The following GRIP1 variants were observed in gnomAD, a reference collection of about 807,000 sequenced individuals.
GRIP1 encodes the protein glutamate receptor-interacting protein 1.
A neutral mutation model predicts 129.9 loss-of-function variants in GRIP1; 45 were observed. The ratio of observed to expected loss-of-function variants is 0.35; its 90% confidence interval spans 0.27 to 0.44. The LOEUF (loss-of-function observed/expected upper bound fraction) is 0.44. GRIP1 is among the 20% of genes least tolerant of loss of function. The pLI is 1.00. For synonymous variants in GRIP1, 530 were observed against 520.8 expected (o/e 1.02, Z -0.24); for missense variants, 1,196 against 1,396.8 (o/e 0.86, Z 2.29).
intron 1 of GRIP1, among the ~76,000 whole-genome samples, chr12:67,007,186 C>T (rs2042639097): frequency 1.3e-5 from 2 of 152,086 alleles, no homozygotes; most frequent in Admixed American, 6.6e-5. Context: ...TTAAATAACT[C>T]ATTACATCAT....
intron 1 of GRIP1, among the ~76,000 whole-genome samples, chr12:66,810,716 G>A (rs573037059): frequency 2.0e-4 from 31 of 152,228 alleles, no homozygotes; most frequent in African/African-American, 5.3e-4. Context: ...CCCCAGCATT[G>A]TGATAACCCA....
chr12:66,896,193 A>T (rs1211446900), intron 1 of GRIP1, among the ~76,000 whole-genome samples: 1 of 152,160 alleles, frequency 6.6e-6, no homozygotes, highest in African/African-American at 2.4e-5. Context: ...CTGTGATGGG[A>T]TGACTGGAGG....
At chr12:66,651,016 G>C (rs2032756412) in intron 1 of GRIP1, among the ~76,000 whole-genome samples, 1 of 152,182 alleles carries the variant, frequency 6.6e-6, no homozygotes, top group Non-Finnish European at 1.5e-5. Context: ...AAATATTTAA[G>C]ACAATATGTA....
chr12:66,502,735 T>C lies in GRIP1; in HGVS notation c.724+12884A>G, dbSNP rs560322037. On this transcript the variant is annotated intron_variant, in intron 7 of 24. Coordinates refer to ENST00000359742, the MANE Select transcript of GRIP1 (RefSeq NM_001366722.1). ...CATGAGTAAAAGCTCACTGAGGCCT[T>C]CCAAGATGCCAAGTATATGCTGACA... is the stretch of plus-strand genomic sequence containing the variant. Among the ~76,000 whole-genome samples, 3 of 152,286 alleles carry C rather than the reference T, an allele frequency of 2.0e-5. No individual in the cohort carries two copies. The South Asian group carries it at 6.2e-4, about 32-fold the overall frequency.
At chr12:66,782,106 T>G (rs1381628099) in intron 1 of GRIP1, among the ~76,000 whole-genome samples, 1 of 152,208 alleles carries the variant, frequency 6.6e-6, no homozygotes, top group Non-Finnish European at 1.5e-5. Flanking sequence ...AATGTTCTAC[T>G]TCTTGATCTG....
chr12:66,851,434 T>C lies in GRIP1; in HGVS notation c.58+217616A>G, dbSNP rs568115027. Among the ~76,000 whole-genome samples, 3 of 152,256 alleles carry C rather than the reference T, an allele frequency of 2.0e-5. No individual in the cohort carries two copies. The East Asian group carries it at 5.8e-4, about 29-fold the overall frequency. The stretch of plus-strand genomic sequence containing the variant: ...AGCCCAAAGCCAAAATATAGAGTTT[T>C]ATTACAATTACATTTGAAATTTATA... On this transcript the variant is annotated intron_variant, in intron 1 of 1. Coordinates refer to the GRIP1 transcript ENST00000643019.
chr12:66,372,609 T>G (rs1203233958), intron 22 of GRIP1, among the ~76,000 whole-genome samples: 1 of 152,220 alleles, frequency 6.6e-6, no homozygotes, highest in Non-Finnish European at 1.5e-5. Context: ...TGTTATTATA[T>G]TCAACTTTTT....
At chr12:66,633,963 T>C (rs1317968499) in intron 1 of GRIP1, among the ~76,000 whole-genome samples, 1 of 152,244 alleles carries the variant, frequency 6.6e-6, no homozygotes, top group Non-Finnish European at 1.5e-5. Context: ...GAGAGGCATA[T>C]GATTCATATC....
chr12:66,758,583 A>T (rs978630955), intron 1 of GRIP1, among the ~76,000 whole-genome samples: 1 of 152,178 alleles, frequency 6.6e-6, no homozygotes, highest in Non-Finnish European at 1.5e-5. Context: ...AAAAGTCCAT[A>T]GTCCAAAATC....
At chr12:67,006,271 AC>A (rs959741357) in intron 1 of GRIP1, among the ~76,000 whole-genome samples, 1 of 152,186 alleles carries the variant, frequency 6.6e-6, no homozygotes, top group Non-Finnish European at 1.5e-5. Context: ...CCAACATTAA[AC>A]AAAAAAGCCA....
At chr12:67,067,544 C>T (rs1041970520) in intron 1 of GRIP1, among the ~76,000 whole-genome samples, 3 of 152,054 alleles carry the variant, frequency 2.0e-5, no homozygotes, top group Admixed American at 1.3e-4. Flanking sequence ...AGCAGGGGTG[C>T]CTTTTGAATG....
At chr12:66,790,818 A>G (rs2038508190) in intron 1 of GRIP1, among the ~76,000 whole-genome samples, 1 of 152,064 alleles carries the variant, frequency 6.6e-6, no homozygotes, top group South Asian at 2.1e-4. Context: ...AAATTACAAA[A>G]CGAGGGAGGC....
At chr12:66,989,576 T>C (rs937893070) in intron 1 of GRIP1, among the ~76,000 whole-genome samples, 3 of 152,202 alleles carry the variant, frequency 2.0e-5, no homozygotes, top group Admixed American at 6.5e-5. Flanking sequence ...TCCATCCGAA[T>C]AGGTTATTAA....
chr12:66,526,276 C>G (rs1188891081), intron 5 of GRIP1, among the ~76,000 whole-genome samples: 1 of 151,924 alleles, frequency 6.6e-6, no homozygotes. Context: ...TGACTTCAAA[C>G]TATACTACAA....
rs1478459022 is a variant in GRIP1, at chr12:66,743,419, T to C, written c.-420+60634A>G. On this transcript the variant is annotated intron_variant, in intron 1 of 4. Coordinates refer to the GRIP1 transcript ENST00000538373. ...ACTTTATTATGAATCCTAAACAGAG[T>C]AGGGGTCATGAGGAGGAACCCTTTC... 4.6e-5 allele frequency among the ~76,000 whole-genome samples: 7 copies of C among 151,878 alleles called. No homozygotes were observed. The East Asian group carries it at 9.7e-4, about 21-fold the overall frequency.
chr12:66,682,032 T>A (rs925443150), upstream of GRIP1, among the ~76,000 whole-genome samples: 4 of 152,160 alleles, frequency 2.6e-5, no homozygotes, highest in Non-Finnish European at 5.9e-5. Context: ...ATCAAAGTCA[T>A]TCAGCTAGTA....
chr12:66,929,812 A>G (rs2041358164), intron 1 of GRIP1, among the ~76,000 whole-genome samples: 1 of 152,164 alleles, frequency 6.6e-6, no homozygotes, highest in African/African-American at 2.4e-5. Flanking sequence ...CTTTGAGCTC[A>G]GTCCTTCACT....
At chr12:66,485,942 G>A (rs921490006) in intron 7 of GRIP1, among the ~76,000 whole-genome samples, 18 of 152,004 alleles carry the variant, frequency 1.2e-4, no homozygotes, top group Non-Finnish European at 2.4e-4. Context: ...ATATATGTGT[G>A]TGTGTTTTCT....
intron 1 of GRIP1, among the ~76,000 whole-genome samples, chr12:66,869,319 G>C (rs1442453524): frequency 6.6e-6 from 1 of 152,010 alleles, no homozygotes; most frequent in African/African-American, 2.4e-5. Flanking sequence ...TCATCTACTA[G>C]AATTCAAGAG....
Sources: gnomAD v4.1 joint callset for allele counts (sites outside exome capture counted in the v4.1 genomes callset) on GRCh38, gnomAD v4.1.1 for gene constraint, MANE v1.5 for transcripts, NCBI Gene and HGNC (gene_info 2026-07-23, HGNC 2026-07-21) for gene names.